The following DNAH5 variants were observed in gnomAD, a reference collection of about 807,000 sequenced individuals.
DNAH5 encodes axonemal beta dynein heavy chain 5.
DNAH5 carries 372 observed loss-of-function variants against 518.2 expected under a neutral mutation model. The ratio of observed to expected loss-of-function variants is 0.72; its 90% CI spans 0.66 to 0.78. DNAH5 has a LOEUF of 0.78. Among genes scored for constraint, DNAH5 ranks in the 30% least tolerant of loss-of-function variants. The probability of loss-of-function intolerance (pLI) is 0.00; values close to 1 mark genes in which losing one functional copy is unlikely to be tolerated. For missense variants in DNAH5, 5,523 were observed against 5,687.0 expected (o/e 0.97, Z 0.93); for synonymous variants, 2,039 against 2,025.9 (o/e 1.01, Z -0.17).
At chr5:13,988,739 T>TTTTTTTTTTA (rs57485156) in intron 1 of DNAH5, among the ~76,000 whole-genome samples, 1 of 149,414 alleles carries the variant, frequency 6.7e-6, no homozygotes, top group African/African-American at 2.5e-5. Context: ...TTTTTTTTTT[T>TTTTTTTTTTA]GAGACAGAGT....
chr5:13,777,708 T>C (rs1561231503), intron 53 of DNAH5, among the ~76,000 whole-genome samples: 1 of 152,214 alleles, frequency 6.6e-6, no homozygotes, highest in African/African-American at 2.4e-5. Context: ...TGGCAATTGG[T>C]ATTTGAGATG....
intron 78 of DNAH5, among the ~76,000 whole-genome samples, chr5:13,698,710 A>G (rs559945311): frequency 1.3e-5 from 2 of 152,306 alleles, no homozygotes; most frequent in African/African-American, 4.8e-5. Flanking sequence ...GTACCCCCCA[A>G]AAATTGAAAA....
At chr5:13,732,367 T>C (rs1420399919) in intron 68 of DNAH5, among the ~76,000 whole-genome samples, 1 of 152,108 alleles carries the variant, frequency 6.6e-6, no homozygotes, top group East Asian at 1.9e-4. Context: ...GGGGTCTCTC[T>C]TGAGCCCCTT....
chr5:13,889,623 T>C (rs1772912245), intron 17 of DNAH5, among the ~76,000 whole-genome samples: 1 of 152,198 alleles, frequency 6.6e-6, no homozygotes, highest in South Asian at 2.1e-4. Flanking sequence ...CCTGATTCCT[T>C]CTGGGAGTCT....
rs202081804 is a variant in DNAH5 at position 13,913,973 on chromosome 5, A to G, written c.1321-15T>C. 3.2e-4 allele frequency: 511 copies of G among 1,610,776 alleles called. No homozygotes were observed. The African/African-American group carries it at 4.9e-3, about 16-fold the overall frequency. On this transcript the variant is annotated splice_polypyrimidine_tract_variant and intron_variant, in intron 10 of 78. Transcript: ENST00000265104. ...AGCTGGTATTCCTTAAAATCAAAAGAAAAATATACAACAAAGGGAACAAGA... is the reference window on the plus strand; with the variant it reads ...AGCTGGTATTCCTTAAAATCAAAAGGAAAATATACAACAAAGGGAACAAGA...
chr5:13,982,316 G>C (rs979023358), intron 1 of DNAH5, among the ~76,000 whole-genome samples: 4 of 152,236 alleles, frequency 2.6e-5, no homozygotes, highest in Non-Finnish European at 5.9e-5. Context: ...CCATTGCTCA[G>C]CCTTTCAGTA....
Position 13,900,056 on chromosome 5 carries a change from C to T in DNAH5, c.2259+150G>A, listed in dbSNP as rs1774383503. On this transcript the variant is annotated intron_variant, in intron 15 of 78. Coordinates refer to ENST00000265104, the MANE Select transcript of DNAH5 (RefSeq NM_001369.3). The stretch of plus-strand genomic sequence containing the variant: ...CCTGTAACGGCCTGGCCCCAGCCAA[C>T]TCTGCAGCTGCACCCCATGGCACTG... 5 of 717,984 alleles carry T rather than the reference C, an allele frequency of 7.0e-6. No homozygotes were observed. The East Asian group carries it at 1.4e-4, about 19-fold the overall frequency. The allele number at this position is 717,984 out of a possible 1,614,324, so 44.5% of individuals were successfully genotyped here.
intron 69 of DNAH5, 33 bp from the exon 70 acceptor site, chr5:13,727,689 G>A: frequency 6.2e-7 from 1 of 1,612,974 alleles, no homozygotes; most frequent in Middle Eastern, 1.7e-4. Flanking sequence ...ACTGTGTCAT[G>A]CCACCCAACA....
chr5:13,932,868 C>T (rs1163024605), intron 1 of DNAH5, among the ~76,000 whole-genome samples: 7 of 152,140 alleles, frequency 4.6e-5, no homozygotes, highest in African/African-American at 1.4e-4. Context: ...CACAGGTGGA[C>T]GAGGCAGACA....
At chr5:13,809,807 T>C (rs1334540564) in intron 45 of DNAH5, among the ~76,000 whole-genome samples, 1 of 152,228 alleles carries the variant, frequency 6.6e-6, no homozygotes, top group African/African-American at 2.4e-5. Context: ...CTGATTTGGT[T>C]TTTTAAATGT....
chr5:13,958,761 T>A (rs1270056267), intron 1 of DNAH5, among the ~76,000 whole-genome samples: 1 of 152,208 alleles, frequency 6.6e-6, no homozygotes, highest in East Asian at 1.9e-4. Context: ...AATAGAATGT[T>A]TTAACAGGAA....
chr5:13,745,992 A>G (rs764469979), intron 65 of DNAH5, among the ~76,000 whole-genome samples: 6 of 152,158 alleles, frequency 3.9e-5, no homozygotes, highest in Non-Finnish European at 8.8e-5. Context: ...TTTAAAAAAG[A>G]TTGAATCTTA....
At chr5:13,868,857 ATG>A (rs142664357) in intron 24 of DNAH5, among the ~76,000 whole-genome samples, 1 of 151,822 alleles carries the variant, frequency 6.6e-6, no homozygotes, top group Non-Finnish European at 1.5e-5. Flanking sequence ...CTAGCTCATA[ATG>A]TGTGTGTGTG....
At chr5:13,905,858 A>C (rs1775220791) in intron 12 of DNAH5, among the ~76,000 whole-genome samples, 1 of 152,218 alleles carries the variant, frequency 6.6e-6, no homozygotes, top group South Asian at 2.1e-4. Flanking sequence ...AGTTGTCAAA[A>C]CTTGGAAGTA....
chr5:13,805,950 C>A (rs886461476), intron 47 of DNAH5, among the ~76,000 whole-genome samples: 8 of 152,062 alleles, frequency 5.3e-5, no homozygotes, highest in African/African-American at 1.9e-4. Context: ...TCTGCATTAG[C>A]TCTGCCATAG....
intron 40 of DNAH5, among the ~76,000 whole-genome samples, chr5:13,820,824 C>CAAAAAAA (rs70964510): frequency 1.5e-5 from 1 of 66,474 alleles, no homozygotes; most frequent in Admixed American, 1.7e-4. Context: ...TACTCCGTCT[C>CAAAAAAA]AAAAAAAAAA....
intron 1 of DNAH5, among the ~76,000 whole-genome samples, chr5:14,007,638 A>G (rs1009019917): frequency 2.0e-5 from 3 of 152,204 alleles, no homozygotes; most frequent in African/African-American, 7.2e-5. Context: ...CAGATTCCTC[A>G]TAAGAATCTG....
chr5:13,780,992 T>C, intron 52 of DNAH5, 33 bp from the exon 53 acceptor site: 11 of 1,610,418 alleles, frequency 6.8e-6, no homozygotes, highest in Non-Finnish European at 6.8e-6. Context: ...TATGTATCTT[T>C]CAACATGTAA....
intron 32 of DNAH5, among the ~76,000 whole-genome samples, chr5:13,844,399 T>C (rs1203257798): frequency 6.6e-6 from 1 of 152,182 alleles, no homozygotes. Flanking sequence ...GTGAGTCTCA[T>C]GCAGCTTCAT....
Sources: gnomAD v4.1 joint callset for allele counts (sites outside exome capture counted in the v4.1 genomes callset) on GRCh38, gnomAD v4.1.1 for gene constraint, MANE v1.5 for transcripts, NCBI Gene and HGNC (gene_info 2026-07-23, HGNC 2026-07-21) for gene names.